NR3C1: variants seen among roughly 807,000 people sequenced by gnomAD.
NR3C1 encodes the protein nuclear receptor subfamily 3 group C member 1.
A neutral mutation model predicts 74.0 loss-of-function variants in NR3C1; 14 were observed. The ratio of observed to expected loss-of-function variants is 0.19; its 90% CI spans 0.12 to 0.30. The LOEUF (loss-of-function observed/expected upper bound fraction) is 0.30, where lower values mean the gene tolerates loss of function less well. Ranked by LOEUF, NR3C1 falls within the 10% of genes least tolerant of loss-of-function variation. The pLI, the probability that NR3C1 is intolerant of heterozygous loss-of-function variation, is 1.00. For missense variants in NR3C1, 695 were observed against 909.8 expected (o/e 0.76, Z 3.04); for synonymous variants, 308 against 332.5 (o/e 0.93, Z 0.80).
At chr5:143,345,985 G>A (rs1423173705) in intron 2 of NR3C1, among the ~76,000 whole-genome samples, 2 of 152,174 alleles carry the variant, frequency 1.3e-5, no homozygotes, top group Non-Finnish European at 2.9e-5. Flanking sequence ...TGTTAAGTGA[G>A]AGCTTACTGT....
intron 2 of NR3C1, among the ~76,000 whole-genome samples, chr5:143,355,568 A>C (rs1029480746): frequency 1.3e-5 from 2 of 152,208 alleles, no homozygotes; most frequent in Non-Finnish European, 2.9e-5. Flanking sequence ...TTTCCCCCCA[A>C]ATAGTGATGG....
At chr5:143,309,077 T>TC (rs1023308015) in intron 4 of NR3C1, among the ~76,000 whole-genome samples, 1 of 150,604 alleles carries the variant, frequency 6.6e-6, no homozygotes, top group Non-Finnish European at 1.5e-5. Context: ...AGGTTTCTTT[T>TC]TTTTTTTTTT....
intron 7 of NR3C1, among the ~76,000 whole-genome samples, chr5:143,288,028 G>A (rs953383009): frequency 2.0e-5 from 3 of 151,956 alleles, no homozygotes; most frequent in Non-Finnish European, 4.4e-5. Flanking sequence ...ACTCTGCTCA[G>A]TAGTATTTTA....
chr5:143,403,080 G>GCCCCCCCCC, intron 1 of NR3C1, 131 bp downstream of exon 1: 3 of 764,902 alleles, frequency 3.9e-6, no homozygotes, highest in Non-Finnish European at 4.8e-6. Flanking sequence ...GCCCTTGCCA[G>GCCCCCCCCC]CCCCCCACCC....
intron 3 of NR3C1, among the ~76,000 whole-genome samples, chr5:143,311,002 C>T (rs1344912736): frequency 2.0e-5 from 3 of 152,210 alleles, no homozygotes; most frequent in Non-Finnish European, 2.9e-5. Context: ...AGATGGTTAA[C>T]TGTATCAGGT....
chr5:143,349,118 T>C (rs1376061901), intron 2 of NR3C1, among the ~76,000 whole-genome samples: 3 of 152,188 alleles, frequency 2.0e-5, no homozygotes, highest in Non-Finnish European at 2.9e-5. Flanking sequence ...GGGTCAAAGA[T>C]GATCCTACTG....
intron 2 of NR3C1, among the ~76,000 whole-genome samples, chr5:143,350,867 G>A (rs13178847): frequency 1.3e-5 from 2 of 152,274 alleles, no homozygotes; most frequent in South Asian, 2.1e-4. Flanking sequence ...CAGGATCCTG[G>A]TGTCTAGCAC....
intron 4 of NR3C1, among the ~76,000 whole-genome samples, chr5:143,307,923 A>C (rs1819990871): frequency 1.3e-5 from 2 of 152,202 alleles, no homozygotes; most frequent in Admixed American, 1.3e-4. Context: ...TTTTTAGTTA[A>C]TCTCTACAGT....
intron 2 of NR3C1, among the ~76,000 whole-genome samples, chr5:143,398,860 A>G (rs1266730451): frequency 1.3e-5 from 2 of 152,168 alleles, no homozygotes; most frequent in Non-Finnish European, 2.9e-5. Flanking sequence ...TAAACGACTG[A>G]GTAAAAAAAA....
At chr5:143,364,412 G>A (rs1056931928) in intron 2 of NR3C1, among the ~76,000 whole-genome samples, 1 of 152,128 alleles carries the variant, frequency 6.6e-6, no homozygotes, top group Non-Finnish European at 1.5e-5. Flanking sequence ...GAAACAAAAG[G>A]ACACTCACAA....
chr5:143,346,683 T>C (rs932054188), intron 2 of NR3C1, among the ~76,000 whole-genome samples: 8 of 152,224 alleles, frequency 5.3e-5, no homozygotes, highest in Non-Finnish European at 8.8e-5. Context: ...TCCTAAAATA[T>C]GTTAACAAAG....
At chr5:143,331,262 T>C (rs768038404) in intron 2 of NR3C1, among the ~76,000 whole-genome samples, 15 of 152,140 alleles carry the variant, frequency 9.9e-5, no homozygotes, top group Non-Finnish European at 2.1e-4. Context: ...GAACAGCTAT[T>C]ATTAAAAAGT....
At position 143,340,539 on chromosome 5, in the gene NR3C1, A is replaced by G. The variant is rs948391176; in HGVS notation, c.1185-26371T>C. ...GCTCTGTCGCCCAGGCTGGAGTCCA[A>G]TGGCACAATCTTGGCTCACTGCAAC... On this transcript the variant is annotated intron_variant, in intron 2 of 8. Coordinates refer to ENST00000394464, the MANE Select transcript of NR3C1 (RefSeq NM_000176.3). Among the ~76,000 whole-genome samples the G allele has an allele frequency of 3.5e-5, 5 of 141,680 alleles. No homozygotes were observed. The South Asian group carries it at 8.7e-4, about 25-fold the overall frequency. 92.9% of individuals were successfully genotyped at this position (141,680 alleles called of 152,430 possible).
At chr5:143,303,164 C>T (rs763773135) in intron 4 of NR3C1, among the ~76,000 whole-genome samples, 2 of 129,608 alleles carry the variant, frequency 1.5e-5, no homozygotes, top group African/African-American at 3.0e-5. Flanking sequence ...TCTATGCACA[C>T]AAAGTAGACA....
intron 2 of NR3C1, among the ~76,000 whole-genome samples, chr5:143,320,558 A>C (rs541467851): frequency 6.6e-6 from 1 of 152,296 alleles, no homozygotes; most frequent in Non-Finnish European, 1.5e-5. Flanking sequence ...GTCTTGATTT[A>C]ATTAACTCCA....
At chr5:143,349,730 G>C (rs1403721096) in intron 2 of NR3C1, among the ~76,000 whole-genome samples, 4 of 152,050 alleles carry the variant, frequency 2.6e-5, no homozygotes, top group African/African-American at 9.7e-5. Flanking sequence ...CATATACTAG[G>C]CACTGGGGTA....
At chr5:143,376,194 C>T (rs547272915) in intron 2 of NR3C1, among the ~76,000 whole-genome samples, 23 of 152,098 alleles carry the variant, frequency 1.5e-4, no homozygotes, top group African/African-American at 5.3e-4. Flanking sequence ...GTATTTCACA[C>T]AAGGGTAGTG....
intron 2 of NR3C1, among the ~76,000 whole-genome samples, chr5:143,333,584 A>G (rs866251753): frequency 6.6e-6 from 1 of 152,120 alleles, no homozygotes; most frequent in Non-Finnish European, 1.5e-5. Context: ...CCTGGCCAAC[A>G]TGGTGAAACC....
chr5:143,295,396 A>T, intron 7 of NR3C1, 64 bp downstream of exon 7: 2 of 1,596,378 alleles, frequency 1.3e-6, no homozygotes, highest in Non-Finnish European at 1.7e-6. Context: ...ATATAAATTA[A>T]CCTTTGTTTC....
Sources: allele counts gnomAD v4.1 joint callset (sites outside exome capture counted in the v4.1 genomes callset), GRCh38; gene constraint gnomAD v4.1.1; transcripts MANE v1.5; gene names NCBI Gene and HGNC (gene_info 2026-07-23, HGNC 2026-07-21).